BRD7: variants seen among roughly 807,000 people sequenced by gnomAD.
BRD7 encodes bromodomain containing 7.
Under a neutral mutation model 82.1 loss-of-function variants are expected in BRD7, and 15 were observed. The ratio of observed to expected loss-of-function variants is 0.18; its 90% CI spans 0.12 to 0.28. The LOEUF (loss-of-function observed/expected upper bound fraction) is 0.28, where lower values mean the gene tolerates loss of function less well. Ranked by LOEUF, BRD7 falls within the 10% of genes least tolerant of loss-of-function variation. BRD7 has a pLI of 1.00. For missense variants in BRD7, 638 were observed against 779.9 expected, an observed-to-expected ratio of 0.82 and a Z score of 2.17; for synonymous variants, 232 against 266.9, an observed-to-expected ratio of 0.87 and a Z score of 1.27.
chr16:50,357,144 G>A (rs2038766441), intron 2 of BRD7, among the ~76,000 whole-genome samples: 1 of 152,190 alleles, frequency 6.6e-6, no homozygotes, highest in Non-Finnish European at 1.5e-5. Flanking sequence ...AAACACAGAT[G>A]GCTGGGCCTT....
In BRD7 at chr16:50,334,700, A is replaced by G; in HGVS notation, c.887+11T>C. The G allele has an allele frequency of 6.2e-7, 1 of 1,611,154 alleles. No homozygotes were observed. The highest frequency in any genetic ancestry group is 1.7e-5 in the Admixed American group (1 of 59,650). ...AGACAGTTTGACCTTAACATCCCAA[A>G]GATCTTTTACTTTTTATTTTCTTTG... On this transcript the variant is annotated intron_variant, in intron 7 of 16. Transcript: ENST00000394688.
intron 6 of BRD7, among the ~76,000 whole-genome samples, chr16:50,338,260 G>A (rs1431508264): frequency 6.6e-6 from 1 of 152,190 alleles, no homozygotes; most frequent in Non-Finnish European, 1.5e-5. Context: ...CTCTGCGAAT[G>A]TTGTCAAAGA....
At chr16:50,326,445 G>A (rs2037344067) in intron 9 of BRD7, 54 bp from the exon 10 acceptor site, 5 of 1,310,758 alleles carry the variant, frequency 3.8e-6, no homozygotes, top group East Asian at 2.5e-5. Flanking sequence ...ATGACCCACG[G>A]GGCCCTCTGC....
chr16:50,330,337 CTT>C (rs11360309), intron 8 of BRD7, among the ~76,000 whole-genome samples: 149 of 53,940 alleles, frequency 2.8e-3, no homozygotes, highest in African/African-American at 6.9e-3. Flanking sequence ...AAAGAGGACA[CTT>C]TTTTTTTTTT....
At chr16:50,337,949 C>T (rs2037884314) in intron 6 of BRD7, among the ~76,000 whole-genome samples, 1 of 152,038 alleles carries the variant, frequency 6.6e-6, no homozygotes, top group Admixed American at 6.6e-5. Context: ...ATTTTATTTT[C>T]TGTGCTTTCA....
intron 5 of BRD7, among the ~76,000 whole-genome samples, chr16:50,342,636 T>C (rs1462398858): frequency 6.6e-6 from 1 of 152,046 alleles, no homozygotes; most frequent in Non-Finnish European, 1.5e-5. Context: ...TTACCCAGGA[T>C]GGTCTTGATC....
In BRD7 at chr16:50,325,790, T is replaced by G; in HGVS notation, c.1289A>C (p.Tyr430Ser). ...NISKDDSDLI[Y>S]STYGEDSDLP... ...ATCAGAGTCTTCCCCATAGGTTGAATAGATTAAATCAGAATCATCCTTGCT... is the reference window on the plus strand; with the variant it reads ...ATCAGAGTCTTCCCCATAGGTTGAAGAGATTAAATCAGAATCATCCTTGCT... Residue 430 changes from tyrosine (Y) to serine (S), a missense_variant, in exon 11 of 17, where the codon TAT becomes TCT. Tyr to Ser is a moderately radical substitution (Grantham distance 144). This residue lies in a region of BRD7 where 402 missense variants were observed against 500.8 expected (regional missense o/e 0.80). Coordinates refer to ENST00000394688, the MANE Select transcript of BRD7 (RefSeq NM_013263.5). The G allele has an allele frequency of 6.2e-7, 1 of 1,610,990 alleles. No homozygotes were observed. Among genetic ancestry groups the G allele is most frequent in the Non-Finnish European group, 8.5e-7 (1 of 1,179,294 alleles).
chr16:50,367,730 CAGTAG>C (rs1355511516), intron 2 of BRD7, among the ~76,000 whole-genome samples: 2 of 152,186 alleles, frequency 1.3e-5, no homozygotes, highest in Non-Finnish European at 2.9e-5. Flanking sequence ...CTTTAAACCC[CAGTAG>C]ATCCCACTCG....
chr16:50,368,374 G>C lies in BRD7; in HGVS notation c.50-76C>G, dbSNP rs1597110747. 3 of 1,468,686 alleles carry C rather than the reference G, an allele frequency of 2.0e-6. No individual in the cohort carries two copies. In the East Asian group the frequency reaches 6.9e-5, roughly 34 times the overall value. 91.0% of individuals were successfully genotyped at this position (1,468,686 alleles called of 1,614,324 possible). On this transcript the variant is annotated intron_variant, in intron 1 of 16. Transcript: ENST00000394688. ...CTCTCCAGGGAGTGCTAAGGATGCA[G>C]AGCGCCAAGGCGCAGCAAGCCCGAG... is the stretch of plus-strand genomic sequence containing the variant.
chr16:50,356,047 T>G (rs914203003), intron 2 of BRD7, among the ~76,000 whole-genome samples: 3 of 152,236 alleles, frequency 2.0e-5, no homozygotes, highest in Non-Finnish European at 2.9e-5. Context: ...TGTGAAATGT[T>G]GAGAACATGA....
rs1334672148 is a variant in BRD7 at position 50,316,493 on chromosome 16, T to C, written c.*2718A>G. ...GGAATGGAGTCTGTTTAGAGACAACTTGGACAACCTGTGAGTGCATCTCTT... is the reference window on the plus strand; with the variant it reads ...GGAATGGAGTCTGTTTAGAGACAACCTGGACAACCTGTGAGTGCATCTCTT... On this transcript the variant is annotated 3_prime_UTR_variant, in exon 17 of 17. Coordinates refer to ENST00000394688, the MANE Select transcript of BRD7 (RefSeq NM_013263.5). 1.3e-5 allele frequency: 2 copies of C among 152,382 alleles called. No individual in the cohort carries two copies. Among genetic ancestry groups the C allele is most frequent in the Admixed American group, 6.5e-5 (1 of 15,280 alleles). The allele number at this position is 152,382 out of a possible 1,614,324, so 9.4% of individuals were successfully genotyped here.
chr16:50,323,549 A>G (rs2037208445), intron 12 of BRD7, 38 bp downstream of exon 12: 2 of 1,412,206 alleles, frequency 1.4e-6, no homozygotes, highest in African/African-American at 1.4e-5. Flanking sequence ...TTGAGAGTCG[A>G]TAATAAATTA....
At chr16:50,355,910 T>C (rs1282626114) in intron 2 of BRD7, among the ~76,000 whole-genome samples, 1 of 152,158 alleles carries the variant, frequency 6.6e-6, no homozygotes, top group Non-Finnish European at 1.5e-5. Flanking sequence ...TGAGATAAAG[T>C]ACTTGAAACA....
intron 4 of BRD7, among the ~76,000 whole-genome samples, chr16:50,350,491 A>G (rs1230411781): frequency 1.3e-5 from 2 of 152,212 alleles, no homozygotes; most frequent in East Asian, 1.9e-4. Flanking sequence ...AACCTTTGGG[A>G]GATTAGCACT....
intron 4 of BRD7, among the ~76,000 whole-genome samples, chr16:50,353,490 T>G (rs1035001872): frequency 6.6e-6 from 1 of 152,182 alleles, no homozygotes; most frequent in Middle Eastern, 3.2e-3. Context: ...ACTGTAAAAA[T>G]GTATGATCTA....
chr16:50,364,572 C>A (rs13334400), intron 2 of BRD7, among the ~76,000 whole-genome samples: 1 of 151,950 alleles, frequency 6.6e-6, no homozygotes, highest in African/African-American at 2.4e-5. Flanking sequence ...TGGATATGAA[C>A]CCATTTTAGG....
intron 11 of BRD7, among the ~76,000 whole-genome samples, chr16:50,324,998 C>T (rs781679983): frequency 7.9e-5 from 12 of 152,212 alleles, no homozygotes; most frequent in Non-Finnish European, 1.8e-4. Flanking sequence ...TAAAAGTGAA[C>T]AGATTCCCTC....
intron 5 of BRD7, among the ~76,000 whole-genome samples, chr16:50,341,964 ACAC>A (rs1308046998): frequency 1.3e-4 from 19 of 151,338 alleles, no homozygotes; most frequent in Admixed American, 1.1e-3. Flanking sequence ...ACACACACAC[ACAC>A]ATTTTACTTC....
In BRD7 at chr16:50,335,476, CAT is replaced by C. The variant is rs1180785030; in HGVS notation, c.703-583_703-582del. Among the ~76,000 whole-genome samples the C allele has an allele frequency of 5.3e-5, 8 of 152,298 alleles. No homozygotes were observed. The East Asian group carries it at 7.7e-4, about 15-fold the overall frequency. The stretch of plus-strand genomic sequence containing the variant: ...GAAGTCTTGTTTCTATTCTGTGAAA[CAT>C]GTGCTTAATTTTTCGCTGCAATGAT... On this transcript the variant is annotated intron_variant, in intron 6 of 16. Transcript: ENST00000394688.
Sources: gnomAD v4.1 joint callset for allele counts (sites outside exome capture counted in the v4.1 genomes callset) on GRCh38, gnomAD v4.1.1 for gene constraint, gnomAD v4.1.1 regional missense constraint, MANE v1.5 for transcripts, NCBI Gene and HGNC (gene_info 2026-07-23, HGNC 2026-07-21) for gene names.